Variants in EFCAB11 observed in about 807,000 individuals in gnomAD.
The protein encoded by EFCAB11 is EF-hand calcium-binding domain-containing protein 11.
Under a neutral mutation model 23.0 loss-of-function variants are expected in EFCAB11, and 14 were observed. That is an observed-to-expected ratio of 0.61 (90% CI 0.40 to 0.95). The LOEUF is 0.95. EFCAB11 is among the 40% of genes least tolerant of loss of function. EFCAB11 has a pLI of 0.00. For synonymous variants in EFCAB11, 65 were observed against 66.6 expected (o/e 0.98, Z 0.11); for missense variants, 198 against 195.8 (o/e 1.01, Z -0.07).
At chr14:89,898,139 CAAG>C (rs1180464313) in intron 5 of EFCAB11, among the ~76,000 whole-genome samples, 1 of 152,138 alleles carries the variant, frequency 6.6e-6, no homozygotes, top group Non-Finnish European at 1.5e-5. Flanking sequence ...TGCCAGGGGC[CAAG>C]AACCCTGGGT....
intron 5 of EFCAB11, among the ~76,000 whole-genome samples, chr14:89,907,125 T>G (rs1387992640): frequency 2.0e-5 from 3 of 152,174 alleles, no homozygotes; most frequent in African/African-American, 7.2e-5. Context: ...TTCCCACGAC[T>G]ATGACATTCA....
chr14:89,843,255 A>G (rs1157428515), intron 5 of EFCAB11, among the ~76,000 whole-genome samples: 1 of 152,260 alleles, frequency 6.6e-6, no homozygotes, highest in African/African-American at 2.4e-5. Context: ...TTACTATACT[A>G]GAAATGAATA....
intron 5 of EFCAB11, among the ~76,000 whole-genome samples, chr14:89,823,850 G>C (rs990184376): frequency 6.6e-5 from 10 of 152,142 alleles, no homozygotes; most frequent in African/African-American, 2.4e-4. Flanking sequence ...GAAAACTTCT[G>C]TGAATGTAAA....
At chr14:89,870,093 T>C (rs113640335) in intron 5 of EFCAB11, among the ~76,000 whole-genome samples, 1 of 152,208 alleles carries the variant, frequency 6.6e-6, no homozygotes, top group Non-Finnish European at 1.5e-5. Context: ...GTAGAGTACA[T>C]AGAAGATCTT....
chr14:89,859,778 G>A (rs1211878835), intron 5 of EFCAB11, among the ~76,000 whole-genome samples: 1 of 152,208 alleles, frequency 6.6e-6, no homozygotes, highest in Admixed American at 6.5e-5. Flanking sequence ...AGAGGAAACA[G>A]GCAGAGGAGG....
intron 3 of EFCAB11, chr14:89,938,226 G>A (rs1890660494): frequency 1.3e-5 from 2 of 152,120 alleles, no homozygotes; most frequent in African/African-American, 4.8e-5. Flanking sequence ...AGTAAGCCTG[G>A]TCCTAGATTT....
At chr14:89,879,981 G>T (rs531987614) in intron 5 of EFCAB11, among the ~76,000 whole-genome samples, 1 of 152,268 alleles carries the variant, frequency 6.6e-6, no homozygotes, top group East Asian at 1.9e-4. Flanking sequence ...GTGTGGGTAC[G>T]CATGTCAGCA....
intron 5 of EFCAB11, among the ~76,000 whole-genome samples, chr14:89,814,700 C>G (rs897197259): frequency 2.7e-5 from 4 of 148,380 alleles, no homozygotes; most frequent in African/African-American, 5.1e-5. Flanking sequence ...GCGAAACTCC[C>G]TTTCAAAAAA....
chr14:89,828,792 A>G (rs1221204526), intron 5 of EFCAB11, among the ~76,000 whole-genome samples: 1 of 152,232 alleles, frequency 6.6e-6, no homozygotes, highest in African/African-American at 2.4e-5. Flanking sequence ...GCTTGCCAAA[A>G]TTAAGATCCA....
At chr14:89,924,483 T>A in intron 5 of EFCAB11, 2 of 1,388,182 alleles carry the variant, frequency 1.4e-6, no homozygotes, top group Admixed American at 3.1e-5. Context: ...AACTGACAGG[T>A]GGTGGGAATG....
intron 5 of EFCAB11, among the ~76,000 whole-genome samples, chr14:89,920,910 C>T (rs1175063319): frequency 6.6e-6 from 1 of 151,858 alleles, no homozygotes; most frequent in East Asian, 1.9e-4. Flanking sequence ...ACTATAAATA[C>T]AAAAATTAGC....
Position 89,926,334 on chromosome 14 carries a change from C to T in EFCAB11, c.410+5207G>A, listed in dbSNP as rs927119979. Reference sequence around the variant, plus strand: ...GTGGAAAAAGTTATAATTAGTTTCCCCCAAGCAATCACTCATTTAAAAATA... The same window carrying T: ...GTGGAAAAAGTTATAATTAGTTTCCTCCAAGCAATCACTCATTTAAAAATA... On this transcript the variant is annotated intron_variant, in intron 5 of 5. Transcript: ENST00000316738. Among the ~76,000 whole-genome samples, 3 of 151,986 alleles carry T rather than the reference C, an allele frequency of 2.0e-5. No homozygotes were observed. The South Asian group carries it at 6.2e-4, about 32-fold the overall frequency.
chr14:89,885,471 G>A lies in EFCAB11; in HGVS notation c.410+46070C>T, dbSNP rs188497003. Among the ~76,000 whole-genome samples, 361 of 152,252 alleles carry A rather than the reference G, an allele frequency of 2.4e-3. 1 individual carries two copies. Among genetic ancestry groups the A allele is most frequent in the African/African-American group, 7.8e-3 (326 of 41,552 alleles). Reference sequence around the variant, plus strand: ...AGGCAGGTGGATTACGAGATCAGGAGATCGAGACCATCCTGGCTAACATGG... The same window carrying A: ...AGGCAGGTGGATTACGAGATCAGGAAATCGAGACCATCCTGGCTAACATGG... On this transcript the variant is annotated intron_variant, in intron 5 of 5. Transcript: ENST00000316738.
chr14:89,799,732 A>C (rs1885707289), intron 5 of EFCAB11, among the ~76,000 whole-genome samples: 1 of 145,000 alleles, frequency 6.9e-6, no homozygotes, highest in Non-Finnish European at 1.5e-5. Context: ...CTGTGGCCCC[A>C]CTTCTTGCCC....
At chr14:89,864,382 A>G (rs1239164207) in intron 5 of EFCAB11, among the ~76,000 whole-genome samples, 19 of 151,986 alleles carry the variant, frequency 1.3e-4, no homozygotes, top group Admixed American at 1.2e-3. Flanking sequence ...GCTGATGCCC[A>G]TGTTTCTTTC....
At position 89,826,185 on chromosome 14, in the gene EFCAB11, C is replaced by CAT. The variant is rs58230111; in HGVS notation, c.411-28863_411-28862dup. 1.6e-3 allele frequency among the ~76,000 whole-genome samples: 238 copies of CAT among 150,880 alleles called. 2 individuals are homozygous for CAT. Among genetic ancestry groups the CAT allele is most frequent in the African/African-American group, 4.7e-3 (192 of 41,172 alleles). ...ACCCTGTTATAATTATGAAATGTATCATATATATATATAGTGGCAAGTGCT... is the reference window on the plus strand; with the variant it reads ...ACCCTGTTATAATTATGAAATGTATCATATATATATATATAGTGGCAAGTGCT... On this transcript the variant is annotated intron_variant, in intron 5 of 5. Coordinates refer to ENST00000316738, the MANE Select transcript of EFCAB11 (RefSeq NM_145231.4).
intron 5 of EFCAB11, among the ~76,000 whole-genome samples, chr14:89,803,458 GATA>G (rs1378959197): frequency 6.6e-6 from 1 of 152,196 alleles, no homozygotes; most frequent in Non-Finnish European, 1.5e-5. Flanking sequence ...GAGTCACTGT[GATA>G]ATCACATGAG....
At chr14:89,911,733 G>C (rs1889683902) in intron 5 of EFCAB11, among the ~76,000 whole-genome samples, 1 of 152,190 alleles carries the variant, frequency 6.6e-6, no homozygotes, top group African/African-American at 2.4e-5. Flanking sequence ...CGGCTTTGGG[G>C]CTAGAATTGC....
At chr14:89,945,357 A>G (rs1890942017) in intron 3 of EFCAB11, among the ~76,000 whole-genome samples, 1 of 152,324 alleles carries the variant, frequency 6.6e-6, no homozygotes, top group East Asian at 1.9e-4. Context: ...CTAAACATAG[A>G]AAGTTAGTGC....
Sources: allele counts gnomAD v4.1 joint callset (sites outside exome capture counted in the v4.1 genomes callset), GRCh38; gene constraint gnomAD v4.1.1; transcripts MANE v1.5; gene names NCBI Gene and HGNC (gene_info 2026-07-23, HGNC 2026-07-21).